Variants in RIMS1 observed in about 807,000 individuals in gnomAD.
The protein encoded by RIMS1 is regulating synaptic membrane exocytosis protein 1.
Under a neutral mutation model 214.1 loss-of-function variants are expected in RIMS1, and 83 were observed. The observed-to-expected ratio is 0.39, with a 90% confidence interval of 0.32 to 0.47. The LOEUF is 0.47. Among genes scored for constraint, RIMS1 ranks in the 20% least tolerant of loss-of-function variants. The probability of loss-of-function intolerance (pLI) is 0.99; values close to 1 mark genes in which losing one functional copy is unlikely to be tolerated. For missense variants in RIMS1, 2,050 were observed against 2,161.8 expected (o/e 0.95, Z 1.03); for synonymous variants, 793 against 786.8 (o/e 1.01, Z -0.13).
intron 2 of RIMS1, among the ~76,000 whole-genome samples, chr6:72,041,039 G>A (rs1230296176): frequency 6.6e-6 from 1 of 151,790 alleles, no homozygotes; most frequent in East Asian, 1.9e-4. Context: ...TGTTTTTAGA[G>A]TATAATGACT....
intron 1 of RIMS1, among the ~76,000 whole-genome samples, chr6:71,929,746 C>T (rs879790441): frequency 7.9e-5 from 12 of 151,682 alleles, no homozygotes; most frequent in Admixed American, 2.0e-4. Flanking sequence ...CAGTTGAGGC[C>T]GCGAAAGATA....
chr6:72,250,829 T>A (rs2072972590), intron 13 of RIMS1, 92 bp from the exon 14 acceptor site: 1 of 674,286 alleles, frequency 1.5e-6, no homozygotes, highest in East Asian at 2.8e-5. Context: ...TTAGTTAAAA[T>A]AATATAAATA....
chr6:71,961,369 T>C (rs1391486734), intron 1 of RIMS1, among the ~76,000 whole-genome samples: 1 of 152,024 alleles, frequency 6.6e-6, no homozygotes, highest in African/African-American at 2.4e-5. Flanking sequence ...TTCCTCACCC[T>C]ACCGCTTGCT....
intron 2 of RIMS1, among the ~76,000 whole-genome samples, chr6:72,009,247 G>A (rs1019891086): frequency 6.6e-6 from 1 of 152,134 alleles, no homozygotes; most frequent in Non-Finnish European, 1.5e-5. Flanking sequence ...CGAAATGAAG[G>A]CAGAAATAAA....
At chr6:72,286,577 A>G (rs1003225442) in intron 24 of RIMS1, among the ~76,000 whole-genome samples, 17 of 152,256 alleles carry the variant, frequency 1.1e-4, no homozygotes, top group Non-Finnish European at 2.4e-4. Flanking sequence ...GATTTTTATT[A>G]GAGTGTAAAC....
Position 71,946,931 on chromosome 6 carries a change from C to T in RIMS1, c.165-22052C>T, listed in dbSNP as rs944575919. ...ATCCAAAACACAAAAGGAACTCAAA[C>T]AACTCAGTAGCAAAAAGATAAATAA... On this transcript the variant is annotated intron_variant, in intron 1 of 33. Coordinates refer to ENST00000521978, the MANE Select transcript of RIMS1 (RefSeq NM_014989.7). Among the ~76,000 whole-genome samples the T allele has an allele frequency of 1.3e-4, 20 of 152,128 alleles. No individual in the cohort carries two copies. In the South Asian group the frequency reaches 2.9e-3, roughly 22 times the overall value.
At chr6:72,208,283 TTTA>T (rs2053264928) in intron 6 of RIMS1, among the ~76,000 whole-genome samples, 1 of 152,196 alleles carries the variant, frequency 6.6e-6, no homozygotes. Flanking sequence ...ATAGACTGAA[TTTA>T]TATTGCCTAC....
Position 72,160,922 on chromosome 6 carries a change from CT to C in RIMS1, c.472-18648del, listed in dbSNP as rs1333717177. Among the ~76,000 whole-genome samples the C allele has an allele frequency of 6.4e-5, 9 of 139,904 alleles. 2 individuals carry two copies. Among genetic ancestry groups the C allele is most frequent in the Non-Finnish European group, 1.5e-4 (9 of 61,654 alleles). The allele number at this position is 139,904 out of a possible 152,430, so 91.8% of individuals were successfully genotyped here. On this transcript the variant is annotated intron_variant, in intron 4 of 33. Transcript: ENST00000521978. ...TAAAATGAGTTAGGGAGGATTCCCT[CT>C]TTTTCTATTGATTGGAATAGTTTCA...
chr6:72,093,117 C>A (rs1243080167), intron 2 of RIMS1, among the ~76,000 whole-genome samples: 1 of 151,588 alleles, frequency 6.6e-6, no homozygotes, highest in African/African-American at 2.4e-5. Flanking sequence ...GTAACCCCTC[C>A]GCCACTAGCT....
intron 25 of RIMS1, among the ~76,000 whole-genome samples, chr6:72,291,297 A>G (rs2093350348): frequency 6.6e-6 from 1 of 152,186 alleles, no homozygotes; most frequent in Admixed American, 6.6e-5. Flanking sequence ...TTAAATGCCA[A>G]CAGATGGAAG....
At chr6:71,996,243 C>T (rs1803388747) in intron 2 of RIMS1, among the ~76,000 whole-genome samples, 3 of 152,182 alleles carry the variant, frequency 2.0e-5, no homozygotes. Flanking sequence ...TCTATAACAC[C>T]TTCAAACCTA....
At chr6:71,993,206 C>T (rs1033630854) in intron 2 of RIMS1, among the ~76,000 whole-genome samples, 27 of 152,126 alleles carry the variant, frequency 1.8e-4, no homozygotes, top group African/African-American at 6.3e-4. Flanking sequence ...GACTCAGTCC[C>T]CATCATTTTA....
intron 12 of RIMS1, among the ~76,000 whole-genome samples, chr6:72,249,031 GTATCAAT>G (rs1287097209): frequency 6.6e-6 from 1 of 152,052 alleles, no homozygotes; most frequent in East Asian, 1.9e-4. Flanking sequence ...CCCATCTTAG[GTATCAAT>G]TGGGAATCAG....
At chr6:72,096,605 C>T (rs1321248483) in intron 2 of RIMS1, among the ~76,000 whole-genome samples, 1 of 152,138 alleles carries the variant, frequency 6.6e-6, no homozygotes, top group Admixed American at 6.5e-5. Context: ...GCACACATGA[C>T]TGTAGTTGTA....
intron 1 of RIMS1, among the ~76,000 whole-genome samples, chr6:71,907,751 A>G (rs1183622730): frequency 6.6e-6 from 1 of 152,184 alleles, no homozygotes; most frequent in Non-Finnish European, 1.5e-5. Context: ...TATATGTCAA[A>G]TTATCTACAT....
chr6:72,080,229 A>C (rs989660643), intron 2 of RIMS1, among the ~76,000 whole-genome samples: 2 of 151,990 alleles, frequency 1.3e-5, no homozygotes, highest in Non-Finnish European at 2.9e-5. Flanking sequence ...ATGCCACTGC[A>C]CTCCAGCCTG....
intron 2 of RIMS1, among the ~76,000 whole-genome samples, chr6:71,976,272 C>G (rs1583933333): frequency 1.3e-5 from 2 of 152,120 alleles, no homozygotes; most frequent in East Asian, 3.9e-4. Context: ...TAGTGTCTTA[C>G]TGTGGTTTTC....
chr6:72,142,057 T>C (rs1166947894), intron 4 of RIMS1, among the ~76,000 whole-genome samples: 1 of 152,058 alleles, frequency 6.6e-6, no homozygotes, highest in Non-Finnish European at 1.5e-5. Flanking sequence ...TAGTGGGTCT[T>C]TTAAATTTTG....
At chr6:72,117,033 G>C (rs976973961) in intron 4 of RIMS1, among the ~76,000 whole-genome samples, 28 of 151,928 alleles carry the variant, frequency 1.8e-4, no homozygotes, top group African/African-American at 6.0e-4. Flanking sequence ...TCCAGGTCAT[G>C]TTTGATTTGC....
Sources: allele counts gnomAD v4.1 joint callset (sites outside exome capture counted in the v4.1 genomes callset), GRCh38; gene constraint gnomAD v4.1.1; transcripts MANE v1.5; gene names NCBI Gene and HGNC (gene_info 2026-07-23, HGNC 2026-07-21).